Variants in TMEM163 observed in about 807,000 individuals in gnomAD.
TMEM163 encodes the protein transmembrane protein 163.
In TMEM163, 17 loss-of-function variants were observed where a neutral mutation model predicts 29.3. The ratio of observed to expected loss-of-function variants is 0.58; its 90% CI spans 0.40 to 0.87. TMEM163 has a LOEUF of 0.87. Among genes scored for constraint, TMEM163 ranks in the 40% least tolerant of loss-of-function variants. The probability of loss-of-function intolerance (pLI) is 0.00; values close to 1 mark genes in which losing one functional copy is unlikely to be tolerated. For synonymous variants in TMEM163, 157 were observed against 160.6 expected, an observed-to-expected ratio of 0.98 and a Z score of 0.17; for missense variants, 303 against 381.5, an observed-to-expected ratio of 0.79 and a Z score of 1.71.
At chr2:134,522,480 G>A (rs779438927) in intron 4 of TMEM163, among the ~76,000 whole-genome samples, 7 of 152,242 alleles carry the variant, frequency 4.6e-5, no homozygotes, top group Non-Finnish European at 1.0e-4. Context: ...CATCCGAAGT[G>A]CTAGCACTTT....
At chr2:134,464,903 A>C (rs1304453843) in intron 6 of TMEM163, among the ~76,000 whole-genome samples, 1 of 152,174 alleles carries the variant, frequency 6.6e-6, no homozygotes, top group Non-Finnish European at 1.5e-5. Flanking sequence ...CCAGCAGGTC[A>C]ACATCGGCTA....
intron 2 of TMEM163, among the ~76,000 whole-genome samples, chr2:134,632,545 G>A (rs1558971196): frequency 6.6e-6 from 1 of 152,188 alleles, no homozygotes; most frequent in African/African-American, 2.4e-5. Context: ...GAGGCGGGGG[G>A]CATCCCCGAT....
chr2:134,578,959 A>G (rs924467038), intron 2 of TMEM163, among the ~76,000 whole-genome samples: 1 of 152,176 alleles, frequency 6.6e-6, no homozygotes, highest in Non-Finnish European at 1.5e-5. Flanking sequence ...TGCACCCAGT[A>G]TTTGAATGGA....
chr2:134,655,657 T>C (rs1486315282), intron 2 of TMEM163, among the ~76,000 whole-genome samples: 1 of 140,978 alleles, frequency 7.1e-6, no homozygotes, highest in Admixed American at 7.0e-5. Flanking sequence ...TTCTGTTCTG[T>C]TTTTTCCCCA....
At chr2:134,649,873 G>A (rs1416494501) in intron 2 of TMEM163, among the ~76,000 whole-genome samples, 2 of 151,874 alleles carry the variant, frequency 1.3e-5, no homozygotes, top group African/African-American at 4.8e-5. Flanking sequence ...AGGCATGGTA[G>A]CACAGGCCTG....
chr2:134,705,793 C>T (rs1038987741), intron 2 of TMEM163, among the ~76,000 whole-genome samples: 2 of 152,178 alleles, frequency 1.3e-5, no homozygotes, highest in South Asian at 2.1e-4. Context: ...AGCTGCTTAA[C>T]AAATATGACT....
intron 2 of TMEM163, among the ~76,000 whole-genome samples, chr2:134,639,794 A>C (rs1255012732): frequency 1.3e-5 from 2 of 152,038 alleles, no homozygotes; most frequent in African/African-American, 4.8e-5. Context: ...AAATTAAAAT[A>C]TTTTTTCTGA....
chr2:134,672,797 T>C (rs1369386899), intron 2 of TMEM163, among the ~76,000 whole-genome samples: 1 of 152,108 alleles, frequency 6.6e-6, no homozygotes, highest in African/African-American at 2.4e-5. Flanking sequence ...CAATTACCCT[T>C]TGCCCTGCTC....
chr2:134,623,157 G>T (rs1251405359), intron 2 of TMEM163, among the ~76,000 whole-genome samples: 1 of 152,036 alleles, frequency 6.6e-6, no homozygotes, highest in Non-Finnish European at 1.5e-5. Flanking sequence ...CCTTCTAAAG[G>T]TTTCTGATGG....
intron 2 of TMEM163, among the ~76,000 whole-genome samples, chr2:134,706,182 TC>T (rs1341765257): frequency 1.3e-5 from 2 of 152,102 alleles, no homozygotes; most frequent in Admixed American, 1.3e-4. Flanking sequence ...GATGCTTCAA[TC>T]GGGGGTTAGG....
At chr2:134,688,169 A>T (rs970660961) in intron 2 of TMEM163, among the ~76,000 whole-genome samples, 4 of 152,204 alleles carry the variant, frequency 2.6e-5, no homozygotes, top group African/African-American at 9.6e-5. Context: ...CACTCCTGCC[A>T]GACTCACAAC....
rs538237782 is a variant in TMEM163, at chr2:134,500,583, A to G, written c.555+2318T>C. Among the ~76,000 whole-genome samples, 13 of 152,248 alleles carry G rather than the reference A, an allele frequency of 8.5e-5. No homozygotes were observed. The South Asian group carries it at 1.4e-3, about 17-fold the overall frequency. On this transcript the variant is annotated intron_variant, in intron 5 of 7. Coordinates refer to ENST00000281924, the MANE Select transcript of TMEM163 (RefSeq NM_030923.5). ...TGTGATTTTTAAATCCCACACCAAC[A>G]ATGGATGAAAGGATAAAGAAAATGT...
chr2:134,706,192 G>A (rs1371075172), intron 2 of TMEM163, among the ~76,000 whole-genome samples: 1 of 152,202 alleles, frequency 6.6e-6, no homozygotes, highest in African/African-American at 2.4e-5. Context: ...TCGGGGGTTA[G>A]GGGGATGCTG....
At chr2:134,549,970 T>C (rs554512307) in intron 4 of TMEM163, among the ~76,000 whole-genome samples, 1 of 152,272 alleles carries the variant, frequency 6.6e-6, no homozygotes, top group African/African-American at 2.4e-5. Context: ...CTGGCTTCCA[T>C]AATCACAGAG....
intron 2 of TMEM163, among the ~76,000 whole-genome samples, chr2:134,644,795 T>C (rs1460678937): frequency 2.6e-5 from 4 of 152,096 alleles, no homozygotes; most frequent in Non-Finnish European, 5.9e-5. Context: ...AAAATATTTT[T>C]CTGCAAAAGA....
At chr2:134,677,093 T>C (rs561603903) in intron 2 of TMEM163, among the ~76,000 whole-genome samples, 7 of 151,898 alleles carry the variant, frequency 4.6e-5, no homozygotes, top group Non-Finnish European at 1.0e-4. Context: ...GAGTGTAACT[T>C]GTGATGCTCC....
chr2:134,716,063 A>G (rs1685031616), intron 1 of TMEM163, among the ~76,000 whole-genome samples: 1 of 152,150 alleles, frequency 6.6e-6, no homozygotes, highest in East Asian at 1.9e-4. Context: ...TAAGTTTGTC[A>G]AGCTTGAACT....
At chr2:134,595,665 G>A (rs182669125) in intron 2 of TMEM163, among the ~76,000 whole-genome samples, 137 of 152,312 alleles carry the variant, frequency 9.0e-4, no homozygotes, top group African/African-American at 3.2e-3. Flanking sequence ...GGTATTTCTA[G>A]TTCTAGATCC....
chr2:134,534,929 T>C (rs991727532), intron 4 of TMEM163, among the ~76,000 whole-genome samples: 3 of 152,096 alleles, frequency 2.0e-5, no homozygotes, highest in Non-Finnish European at 4.4e-5. Context: ...ACAAAGTACC[T>C]TGCTCAAAGT....
Sources: gnomAD v4.1 joint callset for allele counts (sites outside exome capture counted in the v4.1 genomes callset) on GRCh38, gnomAD v4.1.1 for gene constraint, MANE v1.5 for transcripts, NCBI Gene and HGNC (gene_info 2026-07-23, HGNC 2026-07-21) for gene names.